Variants in INPP4B observed in about 807,000 individuals in gnomAD.
INPP4B encodes the protein inositol polyphosphate-4-phosphatase type II B.
INPP4B carries 55 observed loss-of-function variants against 122.5 expected under a neutral mutation model. The ratio of observed to expected loss-of-function variants is 0.45; its 90% CI spans 0.36 to 0.56. The LOEUF is 0.56. Among genes scored for constraint, INPP4B ranks in the 20% least tolerant of loss-of-function variants. The probability of loss-of-function intolerance (pLI) is 0.00; values close to 1 mark genes in which losing one functional copy is unlikely to be tolerated. For missense variants in INPP4B, 1,000 were observed against 1,097.7 expected (o/e 0.91, Z 1.26); for synonymous variants, 403 against 388.7 (o/e 1.04, Z -0.43).
At chr4:142,192,588 T>A (rs1836483061) in intron 15 of INPP4B, among the ~76,000 whole-genome samples, 1 of 151,990 alleles carries the variant, frequency 6.6e-6, no homozygotes, top group Admixed American at 6.6e-5. Context: ...AAATTATAAA[T>A]AATAGTGGTA....
chr4:142,735,798 T>C (rs1428619439), intron 1 of INPP4B, among the ~76,000 whole-genome samples: 3 of 152,216 alleles, frequency 2.0e-5, no homozygotes, highest in Non-Finnish European at 4.4e-5. Flanking sequence ...ATTCTTTGTA[T>C]GTCTTTGCTA....
chr4:142,355,458 G>A (rs2200841), intron 7 of INPP4B, among the ~76,000 whole-genome samples: 60,535 of 151,704 alleles, frequency 0.4, 12,394 homozygotes, highest in East Asian at 0.64. Flanking sequence ...TTTGACTTCT[G>A]ACAAATCAAA....
chr4:142,673,504 C>A (rs1272711999), intron 2 of INPP4B, among the ~76,000 whole-genome samples: 2 of 151,984 alleles, frequency 1.3e-5, no homozygotes, highest in Non-Finnish European at 2.9e-5. Context: ...CGTTTGCAAC[C>A]TGATGATCCC....
intron 1 of INPP4B, among the ~76,000 whole-genome samples, chr4:142,756,918 TG>T (rs1770594871): frequency 6.6e-6 from 1 of 152,126 alleles, no homozygotes; most frequent in South Asian, 2.1e-4. Context: ...GTACAAATTT[TG>T]GAAAGATCTA....
intron 17 of INPP4B, among the ~76,000 whole-genome samples, chr4:142,157,132 A>G (rs555330693): frequency 1.3e-5 from 2 of 152,120 alleles, no homozygotes; most frequent in Non-Finnish European, 1.5e-5. Context: ...TAAAAAAGGG[A>G]GTATACAAAG....
At chr4:142,470,203 T>G (rs1818564444) in intron 2 of INPP4B, among the ~76,000 whole-genome samples, 2 of 151,928 alleles carry the variant, frequency 1.3e-5, no homozygotes, top group East Asian at 3.9e-4. Context: ...GGAGCAGATA[T>G]AAAATTATTT....
rs982959487 is a variant in INPP4B, at chr4:142,188,648, G to GA, written c.1181+4438dup. 6.0e-3 allele frequency among the ~76,000 whole-genome samples: 825 copies of GA among 137,812 alleles called. 9 individuals carry two copies. Among genetic ancestry groups the GA allele is most frequent in the African/African-American group, 0.02 (734 of 37,632 alleles). 90.4% of individuals were successfully genotyped at this position (137,812 alleles called of 152,430 possible). ...GAGTCTAGGGATCATGCTAGAAATA[G>GA]AAAAAAAAAAATCCAAGTAGGGAAA... is the stretch of plus-strand genomic sequence containing the variant. On this transcript the variant is annotated intron_variant, in intron 15 of 25. Transcript: ENST00000262992.
At chr4:142,796,575 C>G (rs1180475563) in intron 1 of INPP4B, among the ~76,000 whole-genome samples, 1 of 151,888 alleles carries the variant, frequency 6.6e-6, no homozygotes, top group Non-Finnish European at 1.5e-5. Context: ...CCATGGAGAT[C>G]CCCTCTTTCT....
intron 15 of INPP4B, among the ~76,000 whole-genome samples, chr4:142,182,474 G>A (rs1169606615): frequency 6.8e-6 from 1 of 146,158 alleles, no homozygotes; most frequent in African/African-American, 2.5e-5. Flanking sequence ...CTTGAACCCG[G>A]GAGGCGGAGC....
intron 2 of INPP4B, among the ~76,000 whole-genome samples, chr4:142,697,008 C>T (rs1481036827): frequency 1.3e-5 from 2 of 152,078 alleles, no homozygotes; most frequent in African/African-American, 4.8e-5. Flanking sequence ...CAAGCTTTCA[C>T]CTGCTTTTAG....
chr4:142,223,118 C>A (rs1037015307), intron 12 of INPP4B, among the ~76,000 whole-genome samples: 3 of 151,854 alleles, frequency 2.0e-5, no homozygotes, highest in African/African-American at 7.3e-5. Context: ...TAAATTGGGC[C>A]ATGTCATATA....
chr4:142,651,495 G>A (rs1752950865), intron 2 of INPP4B, among the ~76,000 whole-genome samples: 1 of 152,076 alleles, frequency 6.6e-6, no homozygotes, highest in African/African-American at 2.4e-5. Context: ...AAGAAGAAAA[G>A]TGAGAAGAAT....
At chr4:142,683,656 A>G (rs1466464958) in intron 2 of INPP4B, among the ~76,000 whole-genome samples, 1 of 150,942 alleles carries the variant, frequency 6.6e-6, no homozygotes, top group Non-Finnish European at 1.5e-5. Context: ...ATGACTACCA[A>G]CTCTTGGGAA....
chr4:142,713,097 CA>C (rs750070230), intron 2 of INPP4B, among the ~76,000 whole-genome samples: 4 of 152,132 alleles, frequency 2.6e-5, no homozygotes, highest in Non-Finnish European at 5.9e-5. Flanking sequence ...TGACAATTGT[CA>C]AAACCAGTAG....
At chr4:142,338,924 G>A (rs760821187) in intron 7 of INPP4B, among the ~76,000 whole-genome samples, 15 of 152,104 alleles carry the variant, frequency 9.9e-5, no homozygotes, top group Admixed American at 9.8e-4. Context: ...AGTTTCCACA[G>A]TGTAGGTCCC....
At chr4:142,746,566 C>A (rs950604697) in intron 1 of INPP4B, among the ~76,000 whole-genome samples, 1 of 152,110 alleles carries the variant, frequency 6.6e-6, no homozygotes, top group African/African-American at 2.4e-5. Flanking sequence ...ATAGCCAAGA[C>A]AATCTTCAGG....
chr4:142,395,546 T>A (rs1226870561), intron 7 of INPP4B, among the ~76,000 whole-genome samples: 2 of 152,152 alleles, frequency 1.3e-5, no homozygotes, highest in Admixed American at 1.3e-4. Context: ...GATACAACAA[T>A]CTCACTTTTG....
chr4:142,183,202 T>C (rs1283504409), intron 15 of INPP4B, among the ~76,000 whole-genome samples: 4 of 152,152 alleles, frequency 2.6e-5, no homozygotes, highest in Admixed American at 2.6e-4. Context: ...CCTCCACTCC[T>C]AACACACATA....
At chr4:142,445,535 T>C (rs962230195) in intron 3 of INPP4B, among the ~76,000 whole-genome samples, 4 of 152,166 alleles carry the variant, frequency 2.6e-5, no homozygotes, top group Admixed American at 2.0e-4. Context: ...AATGTGAATG[T>C]ACCTAAAAAT....
Sources: allele counts gnomAD v4.1 joint callset (sites outside exome capture counted in the v4.1 genomes callset), GRCh38; gene constraint gnomAD v4.1.1; transcripts MANE v1.5; gene names NCBI Gene and HGNC (gene_info 2026-07-23, HGNC 2026-07-21).